The following PTGFRN variants were observed in gnomAD, a reference collection of about 807,000 sequenced individuals.
PTGFRN encodes prostaglandin F2 receptor negative regulator.
Under a neutral mutation model 83.2 loss-of-function variants are expected in PTGFRN, and 35 were observed. That is an observed-to-expected ratio of 0.42 (90% CI 0.32 to 0.56). The LOEUF (loss-of-function observed/expected upper bound fraction) is 0.56. Among genes scored for constraint, PTGFRN ranks in the 20% least tolerant of loss-of-function variants. The pLI is 0.11. For missense variants in PTGFRN, 1,051 were observed against 1,179.5 expected, an observed-to-expected ratio of 0.89 and a Z score of 1.60; for synonymous variants, 519 against 498.6, an observed-to-expected ratio of 1.04 and a Z score of -0.55.
chr1:116,984,823 G>A lies in PTGFRN; in HGVS notation c.2311G>A (p.Val771Met), dbSNP rs199967501. The change falls in exon 8 of 9, where the codon GTG becomes ATG. Residue 771 changes from valine (V) to methionine (M), a missense_variant. Physicochemically the swap from Val to Met is conservative, Grantham distance 21 (BLOSUM62 1). Around this residue, in one of 3 missense-constraint regions of PTGFRN, gnomAD observed 719 missense variants for 836.6 expected, o/e 0.86. Transcript: ENST00000393203. ...GAAGAGCGACCTCAGCCTGGAGCGC[G>A]TGAGTGTGCTGGAATTCTTGCTGCA... ...DWKSDLSLER[V>M]SVLEFLLQVH... is the part of the protein sequence containing the mutation. 14 of 1,614,164 alleles carry A rather than the reference G, an allele frequency of 8.7e-6. No homozygotes were observed. Among genetic ancestry groups the A allele is most frequent in the Middle Eastern group, 1.6e-4 (1 of 6,062 alleles).
chr1:116,967,151 G>A lies in PTGFRN; in HGVS notation c.1880G>A (p.Gly627Asp). 1 of 1,614,184 alleles carries A rather than the reference G, an allele frequency of 6.2e-7. No individual in the cohort carries two copies. The highest frequency in any genetic ancestry group is 1.3e-5 in the African/African-American group (1 of 75,040). ...ENWTDASRVD[G>D]VVLEKVQEDE... Reference sequence around the variant, plus strand: ...TGGACAGATGCATCACGGGTGGATGGCGTTGTTTTAGAAAAAGTGCAGGAG... The same window carrying A: ...TGGACAGATGCATCACGGGTGGATGACGTTGTTTTAGAAAAAGTGCAGGAG... Residue 627 changes from glycine to aspartate, a missense_variant, in exon 6 of 9, where the codon GGC (glycine) becomes GAC (aspartate). By Grantham distance (94) the Gly-to-Asp change is moderately conservative. Coordinates refer to ENST00000393203, the MANE Select transcript of PTGFRN (RefSeq NM_020440.4).
intron 1 of PTGFRN, among the ~76,000 whole-genome samples, chr1:116,917,544 A>G (rs1404689539): frequency 6.6e-6 from 1 of 152,202 alleles, no homozygotes; most frequent in Non-Finnish European, 1.5e-5. Context: ...CAGTCTCTGC[A>G]GTGATCTCAG....
intron 1 of PTGFRN, among the ~76,000 whole-genome samples, chr1:116,932,334 G>A (rs2998184): frequency 0.15 from 22,359 of 152,066 alleles, 2,870 homozygotes; most frequent in African/African-American, 0.35. Context: ...TGTCCCCATC[G>A]ATTCCACCTG....
intron 7 of PTGFRN, among the ~76,000 whole-genome samples, chr1:116,982,549 T>C (rs1346107469): frequency 2.0e-5 from 3 of 151,866 alleles, no homozygotes; most frequent in Admixed American, 2.0e-4. Context: ...TTAGGTCAGG[T>C]TCTCCGCAAG....
chr1:116,953,510 A>G (rs1650399470), intron 4 of PTGFRN, among the ~76,000 whole-genome samples: 1 of 151,862 alleles, frequency 6.6e-6, no homozygotes, highest in South Asian at 2.1e-4. Context: ...TTCCTGGTTT[A>G]ATATGATAAT....
At position 116,967,011 on chromosome 1, in the gene PTGFRN, G is replaced by A. The variant is rs750897072; in HGVS notation, c.1740G>A (p.Ser580=). The A allele has an allele frequency of 2.4e-5, 38 of 1,614,024 alleles. No homozygotes were observed. In the Admixed American group the frequency reaches 3.7e-4, roughly 16 times the overall value. ...AAGTATCTTCCAAGAATATTAAGTC[G>A]CCACGCTACTCTGTTCTCATCATGG... ...TCKVSSKNIK[S]PRYSVLIMAE... The change falls in exon 6 of 9, where the codon TCG becomes TCA. Residue 580 remains serine (S), a synonymous_variant. Coordinates refer to ENST00000393203, the MANE Select transcript of PTGFRN (RefSeq NM_020440.4).
chr1:116,919,946 G>T (rs1649500158), intron 1 of PTGFRN, among the ~76,000 whole-genome samples: 1 of 152,224 alleles, frequency 6.6e-6, no homozygotes, highest in Non-Finnish European at 1.5e-5. Flanking sequence ...TAAGGGTTGG[G>T]CTAGCTGATC....
At chr1:116,928,019 CA>C in intron 1 of PTGFRN, among the ~76,000 whole-genome samples, 1 of 152,264 alleles carries the variant, frequency 6.6e-6, no homozygotes, top group Admixed American at 6.5e-5. Context: ...CCAGAACTGC[CA>C]TGTAAATGTC....
At chr1:116,936,182 G>C (rs991688698) in intron 1 of PTGFRN, among the ~76,000 whole-genome samples, 1 of 152,138 alleles carries the variant, frequency 6.6e-6, no homozygotes, top group African/African-American at 2.4e-5. Flanking sequence ...GATTTGAAAA[G>C]AGCCATATGC....
At chr1:116,942,563 T>G (rs1328938163) in intron 2 of PTGFRN, among the ~76,000 whole-genome samples, 3 of 152,184 alleles carry the variant, frequency 2.0e-5, no homozygotes. Context: ...CAGTGGTTAG[T>G]GACAGGAAGG....
At chr1:116,911,110 C>T (rs1312912082) in intron 1 of PTGFRN, among the ~76,000 whole-genome samples, 6 of 151,802 alleles carry the variant, frequency 4.0e-5, no homozygotes. Context: ...CGTAGATCCA[C>T]ATGGTGATCC....
At chr1:116,975,290 C>G (rs898360889) in intron 7 of PTGFRN, among the ~76,000 whole-genome samples, 4 of 152,236 alleles carry the variant, frequency 2.6e-5, no homozygotes, top group African/African-American at 9.6e-5. Context: ...TAGACTCCAA[C>G]TCTGGGGGCA....
chr1:116,931,521 A>T (rs1360609522), intron 1 of PTGFRN, among the ~76,000 whole-genome samples: 1 of 148,698 alleles, frequency 6.7e-6, no homozygotes, highest in Non-Finnish European at 1.5e-5. Flanking sequence ...TAATGATTAT[A>T]AGCACTGTTC....
At chr1:116,935,859 T>G (rs991741027) in intron 1 of PTGFRN, among the ~76,000 whole-genome samples, 3 of 152,226 alleles carry the variant, frequency 2.0e-5, no homozygotes, top group Non-Finnish European at 4.4e-5. Context: ...TTTTGTGTCA[T>G]TGAACAACCC....
intron 3 of PTGFRN, among the ~76,000 whole-genome samples, chr1:116,945,654 C>A (rs1300582082): frequency 6.6e-6 from 1 of 151,664 alleles, no homozygotes; most frequent in Admixed American, 6.6e-5. Context: ...GGCAGGGCCG[C>A]TTCTTGCTTT....
At chr1:116,911,729 A>G (rs1649278152) in intron 1 of PTGFRN, among the ~76,000 whole-genome samples, 1 of 152,152 alleles carries the variant, frequency 6.6e-6, no homozygotes, top group South Asian at 2.1e-4. Context: ...TGAAGCCTCA[A>G]ACTCCTGGGC....
chr1:116,953,359 A>G (rs987417026), intron 4 of PTGFRN, among the ~76,000 whole-genome samples: 20 of 152,310 alleles, frequency 1.3e-4, no homozygotes, highest in African/African-American at 4.8e-4. Context: ...AAGGATAACT[A>G]ATATCAGCTG....
At position 116,949,354 on chromosome 1, in the gene PTGFRN, C is replaced by G; in HGVS notation, c.995C>G (p.Ala332Gly). The G allele has an allele frequency of 6.2e-7, 1 of 1,614,262 alleles. No homozygotes were observed. The highest frequency in any genetic ancestry group is 8.5e-7 in the Non-Finnish European group (1 of 1,180,058). ...ACCCTACCTGGCTCCCGCGTGTTGG[C>G]GCGGCTTGACCGTGATTCCCTGGTG... is the stretch of plus-strand genomic sequence containing the variant. ...DSTLPGSRVL[A>G]RLDRDSLVHS... The change falls in exon 4 of 9, where the codon GCG becomes GGG. Residue 332 changes from alanine to glycine, a missense_variant. By Grantham distance (60) the Ala-to-Gly change is moderately conservative. Around this residue, in one of 3 missense-constraint regions of PTGFRN, gnomAD observed 719 missense variants for 836.6 expected, o/e 0.86. Transcript: ENST00000393203.
chr1:116,938,955 C>T (rs1649987911), intron 1 of PTGFRN, among the ~76,000 whole-genome samples: 1 of 152,232 alleles, frequency 6.6e-6, no homozygotes, highest in Non-Finnish European at 1.5e-5. Context: ...TCTTAAAGCT[C>T]CAGAATGATC....
Sources: gnomAD v4.1 joint callset for allele counts (sites outside exome capture counted in the v4.1 genomes callset) on GRCh38, gnomAD v4.1.1 for gene constraint, gnomAD v4.1.1 regional missense constraint, MANE v1.5 for transcripts, NCBI Gene and HGNC (gene_info 2026-07-23, HGNC 2026-07-21) for gene names.